The following COL21A1 variants were observed in gnomAD, a reference collection of about 807,000 sequenced individuals.
COL21A1 encodes the protein collagen type XXI alpha 1 chain, also known as collagen alpha-1(XXI) chain.
COL21A1 carries 149 observed loss-of-function variants against 137.9 expected under a neutral mutation model. The ratio of observed to expected loss-of-function variants is 1.08; its 90% confidence interval spans 0.95 to 1.24. The LOEUF is 1.24. Among genes scored for constraint, COL21A1 ranks in the 50% most tolerant of loss-of-function variants. COL21A1 has a pLI of 0.00. For synonymous variants in COL21A1, 456 were observed against 391.5 expected (o/e 1.16, Z -1.95); for missense variants, 1,167 against 1,158.4 (o/e 1.01, Z -0.11).
At chr6:56,107,794 C>G (rs1225144749) in intron 16 of COL21A1, among the ~76,000 whole-genome samples, 1 of 152,044 alleles carries the variant, frequency 6.6e-6, no homozygotes, top group Admixed American at 6.6e-5. Context: ...TTATTAAACC[C>G]AAATGTGACC....
chr6:56,197,944 A>G (rs1779135173), intron 1 of COL21A1, among the ~76,000 whole-genome samples: 1 of 152,100 alleles, frequency 6.6e-6, no homozygotes, highest in Non-Finnish European at 1.5e-5. Context: ...CGAGATATGG[A>G]AACAACCTAA....
At chr6:56,354,763 C>T (rs928584280) in intron 1 of COL21A1, among the ~76,000 whole-genome samples, 7 of 152,016 alleles carry the variant, frequency 4.6e-5, no homozygotes, top group Non-Finnish European at 8.8e-5. Flanking sequence ...CCATCTACTG[C>T]GAGGAGGATC....
chr6:56,125,459 G>T, intron 14 of COL21A1, 108 bp downstream of exon 14: 2 of 685,776 alleles, frequency 2.9e-6, no homozygotes, highest in South Asian at 2.7e-5. Flanking sequence ...TAAGAAGGGT[G>T]AACAGAGCTA....
chr6:56,271,826 C>T (rs1387435657), intron 1 of COL21A1, among the ~76,000 whole-genome samples: 1 of 152,248 alleles, frequency 6.6e-6, no homozygotes, highest in Non-Finnish European at 1.5e-5. Context: ...CAGCTTAGGC[C>T]ATTGCTTCAG....
chr6:56,147,157 T>G (rs1282508934), intron 10 of COL21A1, among the ~76,000 whole-genome samples: 10 of 152,150 alleles, frequency 6.6e-5, no homozygotes, highest in Admixed American at 6.5e-4. Flanking sequence ...TTAGTAAATC[T>G]TACTTCCCAA....
intron 22 of COL21A1, 141 bp from the exon 23 acceptor site, chr6:56,067,471 A>G (rs981556859): frequency 8.7e-6 from 5 of 577,510 alleles, no homozygotes; most frequent in Non-Finnish European, 1.2e-5. Flanking sequence ...GTTGACTCCT[A>G]ACACAATACT....
intron 12 of COL21A1, among the ~76,000 whole-genome samples, chr6:56,134,577 G>A (rs1201357424): frequency 1.3e-5 from 2 of 152,150 alleles, no homozygotes; most frequent in African/African-American, 4.8e-5. Context: ...AGATTTGGGA[G>A]GGAACAGGAG....
chr6:56,259,323 C>CCTCCAT (rs1399716979), intron 1 of COL21A1, among the ~76,000 whole-genome samples: 1 of 152,188 alleles, frequency 6.6e-6, no homozygotes, highest in Non-Finnish European at 1.5e-5. Context: ...CCTTCCACTC[C>CCTCCAT]CTCCATCTCC....
At chr6:56,290,117 C>T (rs1295661631) in intron 1 of COL21A1, among the ~76,000 whole-genome samples, 4 of 152,202 alleles carry the variant, frequency 2.6e-5, no homozygotes, top group South Asian at 2.1e-4. Flanking sequence ...TTGAATGTGG[C>T]GCCTCCCCTG....
chr6:56,357,327 A>G (rs1287290809), intron 1 of COL21A1, among the ~76,000 whole-genome samples: 4 of 152,186 alleles, frequency 2.6e-5, no homozygotes, highest in Non-Finnish European at 5.9e-5. Context: ...GTATCTTACA[A>G]TCTACAGCAT....
At chr6:56,300,927 T>C (rs537851449) in intron 1 of COL21A1, among the ~76,000 whole-genome samples, 1 of 152,322 alleles carries the variant, frequency 6.6e-6, no homozygotes, top group East Asian at 1.9e-4. Flanking sequence ...TTTCTATTTA[T>C]CTTATTTCAT....
intron 1 of COL21A1, among the ~76,000 whole-genome samples, chr6:56,356,500 T>C (rs1415880462): frequency 6.6e-6 from 1 of 152,156 alleles, no homozygotes; most frequent in Non-Finnish European, 1.5e-5. Context: ...GAGGGCTGAG[T>C]TGCATGAAAT....
chr6:56,124,941 G>T (rs1025064703), intron 14 of COL21A1, among the ~76,000 whole-genome samples: 1 of 150,566 alleles, frequency 6.6e-6, no homozygotes, highest in Non-Finnish European at 1.5e-5. Flanking sequence ...CACCGCGCCC[G>T]GCCTTCAGTG....
intron 1 of COL21A1, among the ~76,000 whole-genome samples, chr6:56,280,962 G>T (rs1194220902): frequency 5.3e-5 from 8 of 152,108 alleles, no homozygotes; most frequent in Non-Finnish European, 4.4e-5. Context: ...CCATGACTGT[G>T]CCACTGCACT....
At chr6:56,061,402 T>C (rs1582213733) in intron 25 of COL21A1, among the ~76,000 whole-genome samples, 1 of 152,078 alleles carries the variant, frequency 6.6e-6, no homozygotes, top group Non-Finnish European at 1.5e-5. Context: ...TATTCAAAAA[T>C]ATGGAGAAAA....
intron 16 of COL21A1, among the ~76,000 whole-genome samples, chr6:56,120,800 A>T (rs200663843): frequency 1.4e-4 from 2 of 13,936 alleles, no homozygotes; most frequent in Non-Finnish European, 2.9e-4. Flanking sequence ...GTCTCAATTT[A>T]AAAAAAAAAA....
intron 1 of COL21A1, among the ~76,000 whole-genome samples, chr6:56,257,250 A>T: frequency 6.6e-6 from 1 of 152,204 alleles, no homozygotes; most frequent in East Asian, 1.9e-4. Context: ...AGTTTAAGGC[A>T]GGGTACTATG....
intron 1 of COL21A1, among the ~76,000 whole-genome samples, chr6:56,363,442 A>C (rs1174158468): frequency 6.6e-6 from 1 of 152,194 alleles, no homozygotes; most frequent in Non-Finnish European, 1.5e-5. Flanking sequence ...ACCACTAGGA[A>C]ATGATAGAAT....
At chr6:56,148,368 G>GAGAGAGAGAGAGAGAGAA (rs1208798741) in intron 10 of COL21A1, among the ~76,000 whole-genome samples, 61 of 150,222 alleles carry the variant, frequency 4.1e-4, no homozygotes, top group South Asian at 1.3e-3. Flanking sequence ...GAGAGAGAGA[G>GAGAGAGAGAGAGAGAGAA]AAACACATAA....
Sources: gnomAD v4.1 joint callset for allele counts (sites outside exome capture counted in the v4.1 genomes callset) on GRCh38, gnomAD v4.1.1 for gene constraint, MANE v1.5 for transcripts, NCBI Gene and HGNC (gene_info 2026-07-23, HGNC 2026-07-21) for gene names.